ERBB4: variants seen among roughly 807,000 people sequenced by gnomAD.
The protein encoded by ERBB4 is erb-b2 receptor tyrosine kinase 4.
In ERBB4, 42 loss-of-function variants were observed where a neutral mutation model predicts 158.0. That is an observed-to-expected ratio of 0.27 (90% CI 0.21 to 0.34). The LOEUF (loss-of-function observed/expected upper bound fraction) is 0.34, where lower values mean the gene tolerates loss of function less well. ERBB4 is among the 10% of genes least tolerant of loss of function. The pLI, the probability that ERBB4 is intolerant of heterozygous loss-of-function variation, is 1.00. For synonymous variants in ERBB4, 583 were observed against 558.7 expected (o/e 1.04, Z -0.61); for missense variants, 1,333 against 1,624.1 (o/e 0.82, Z 3.08).
chr2:212,192,119 A>C (rs1251750672), intron 1 of ERBB4, among the ~76,000 whole-genome samples: 1 of 100,366 alleles, frequency 1.0e-5, no homozygotes, highest in African/African-American at 3.6e-5. Flanking sequence ...TATATTATAT[A>C]TATTATGTGT....
intron 1 of ERBB4, among the ~76,000 whole-genome samples, chr2:212,196,155 G>A (rs1559719141): frequency 6.6e-6 from 1 of 152,016 alleles, no homozygotes; most frequent in Admixed American, 6.6e-5. Flanking sequence ...ATACTCTACT[G>A]CTGGCTGGAA....
chr2:212,320,227 C>CT (rs35543088), intron 1 of ERBB4, among the ~76,000 whole-genome samples: 46,661 of 123,874 alleles, frequency 0.38, 9,491 homozygotes, highest in Non-Finnish European at 0.48. Context: ...CGCAGTCATA[C>CT]TTTTATTTTT....
intron 2 of ERBB4, among the ~76,000 whole-genome samples, chr2:212,045,076 G>T (rs1171988913): frequency 6.6e-6 from 1 of 152,146 alleles, no homozygotes; most frequent in African/African-American, 2.4e-5. Context: ...TATGTTATAT[G>T]AATCTTGCAT....
At chr2:211,437,317 G>T (rs2063875801) in intron 20 of ERBB4, among the ~76,000 whole-genome samples, 1 of 152,132 alleles carries the variant, frequency 6.6e-6, no homozygotes, top group South Asian at 2.1e-4. Flanking sequence ...TTGATTTTCA[G>T]AAATGAACTT....
At chr2:211,811,379 A>G (rs921672169) in intron 3 of ERBB4, among the ~76,000 whole-genome samples, 1 of 152,058 alleles carries the variant, frequency 6.6e-6, no homozygotes, top group Non-Finnish European at 1.5e-5. Flanking sequence ...CTCCCGAGAG[A>G]TCCGCTGCTA....
chr2:211,714,178 G>A (rs1026436544), intron 7 of ERBB4, among the ~76,000 whole-genome samples: 1 of 152,148 alleles, frequency 6.6e-6, no homozygotes, highest in African/African-American at 2.4e-5. Flanking sequence ...GTAGTACTTT[G>A]GAAAAGGTAT....
At position 212,305,179 on chromosome 2, in the gene ERBB4, G is replaced by C. The variant is rs533380206; in HGVS notation, c.83-180276C>G. Among the ~76,000 whole-genome samples, 13 of 151,156 alleles carry C rather than the reference G, an allele frequency of 8.6e-5. No homozygotes were observed. The South Asian group carries it at 2.7e-3, about 31-fold the overall frequency. On this transcript the variant is annotated intron_variant, in intron 1 of 27. Coordinates refer to ENST00000342788, the MANE Select transcript of ERBB4 (RefSeq NM_005235.3). Reference sequence around the variant, plus strand: ...TAATAACTAAGACTTCTTGATTTTTGTACATTTAGCAGAACCAAATCTATT... The same window carrying C: ...TAATAACTAAGACTTCTTGATTTTTCTACATTTAGCAGAACCAAATCTATT...
At chr2:212,460,123 C>T (rs2106065324) in intron 1 of ERBB4, among the ~76,000 whole-genome samples, 1 of 152,300 alleles carries the variant, frequency 6.6e-6, no homozygotes, top group African/African-American at 2.4e-5. Flanking sequence ...CCACATAAGA[C>T]ATGACTTGCT....
chr2:211,975,419 A>G (rs1175989554), intron 2 of ERBB4, among the ~76,000 whole-genome samples: 1 of 152,228 alleles, frequency 6.6e-6, no homozygotes, highest in Non-Finnish European at 1.5e-5. Flanking sequence ...TTAAAGCTAC[A>G]GTTTAATAAT....
At chr2:211,805,060 T>C (rs1364701627) in intron 3 of ERBB4, among the ~76,000 whole-genome samples, 3 of 151,990 alleles carry the variant, frequency 2.0e-5, no homozygotes, top group Non-Finnish European at 4.4e-5. Context: ...ACTAGGATTA[T>C]AGGCACCTGC....
At chr2:212,422,500 A>AACACAC (rs56308920) in intron 1 of ERBB4, among the ~76,000 whole-genome samples, 4,032 of 148,628 alleles carry the variant, frequency 0.027, 159 homozygotes, top group African/African-American at 0.091. Context: ...TTGGACTCAA[A>AACACAC]ACACACACAC....
intron 1 of ERBB4, among the ~76,000 whole-genome samples, chr2:212,474,819 A>ATTATTTT (rs1295029698): frequency 1.4e-5 from 1 of 72,192 alleles, no homozygotes; most frequent in Non-Finnish European, 2.7e-5. Context: ...ACACCCGGCC[A>ATTATTTT]TTCTTTTTTT....
chr2:211,425,761 A>C (rs1480567105), intron 22 of ERBB4, among the ~76,000 whole-genome samples: 3 of 152,108 alleles, frequency 2.0e-5, no homozygotes, highest in Non-Finnish European at 2.9e-5. Context: ...AGCTCACTGC[A>C]CCCTCAACTT....
chr2:212,170,460 A>T (rs2081481956), intron 1 of ERBB4, among the ~76,000 whole-genome samples: 1 of 152,214 alleles, frequency 6.6e-6, no homozygotes, highest in Non-Finnish European at 1.5e-5. Context: ...AGCTGCAGAA[A>T]TTTGCTTAAA....
rs538345710 is a variant in ERBB4, at chr2:211,773,364, CT to C, written c.556+14660del. On this transcript the variant is annotated intron_variant, in intron 4 of 27. Transcript: ENST00000342788. ...ATGTATAAATTTACATAAATGTTTA[CT>C]TTTTATGTACTTATTACATACAAAT... Among the ~76,000 whole-genome samples, 14 of 151,016 alleles carry C rather than the reference CT, an allele frequency of 9.3e-5. No individual in the cohort carries two copies. The South Asian group carries it at 2.9e-3, about 32-fold the overall frequency.
At chr2:211,923,716 T>TATTGC (rs1162007617) in intron 3 of ERBB4, among the ~76,000 whole-genome samples, 1 of 149,862 alleles carries the variant, frequency 6.7e-6, no homozygotes, top group South Asian at 2.1e-4. Context: ...ATCTAAGTTG[T>TATTGC]ATTGTATTGT....
At chr2:211,952,904 A>T (rs1479564555) in intron 2 of ERBB4, among the ~76,000 whole-genome samples, 3 of 152,088 alleles carry the variant, frequency 2.0e-5, no homozygotes, top group Non-Finnish European at 4.4e-5. Context: ...ATATCATTAC[A>T]TAAGAACTGT....
At chr2:211,446,034 G>T (rs953700826) in intron 20 of ERBB4, among the ~76,000 whole-genome samples, 2 of 152,290 alleles carry the variant, frequency 1.3e-5, no homozygotes, top group East Asian at 1.9e-4. Flanking sequence ...GAACAAGATG[G>T]GGGGAGCTAA....
chr2:211,962,952 A>T (rs2081218315), intron 2 of ERBB4, among the ~76,000 whole-genome samples: 1 of 152,196 alleles, frequency 6.6e-6, no homozygotes, highest in Admixed American at 6.6e-5. Flanking sequence ...ATTCTTTTAA[A>T]TGACATTAAT....
Sources: allele counts gnomAD v4.1 joint callset (sites outside exome capture counted in the v4.1 genomes callset), GRCh38; gene constraint gnomAD v4.1.1; transcripts MANE v1.5; gene names NCBI Gene and HGNC (gene_info 2026-07-23, HGNC 2026-07-21).